Variants in ADCY3 observed in about 807,000 individuals in gnomAD.
ADCY3 encodes the protein adenylate cyclase 3.
A neutral mutation model predicts 119.4 loss-of-function variants in ADCY3; 70 were observed. The observed-to-expected ratio is 0.59, with a 90% CI of 0.48 to 0.72. ADCY3 has a LOEUF of 0.72. ADCY3 is among the 30% of genes least tolerant of loss of function. ADCY3 has a pLI of 0.00. For synonymous variants in ADCY3, 672 were observed against 621.4 expected (o/e 1.08, Z -1.21); for missense variants, 1,238 against 1,541.6 (o/e 0.80, Z 3.30).
chr2:24,855,245 A>C (rs1205509915), intron 3 of ADCY3, among the ~76,000 whole-genome samples: 1 of 151,432 alleles, frequency 6.6e-6, no homozygotes. Context: ...GAAAGCTGCT[A>C]TGTAGAAAAG....
chr2:24,837,142 G>T, intron 8 of ADCY3, 97 bp from the exon 9 acceptor site: 1 of 1,380,402 alleles, frequency 7.2e-7, no homozygotes, highest in South Asian at 1.4e-5. Context: ...GGTGGGATTA[G>T]AGAGCAATCT....
intron 16 of ADCY3, among the ~76,000 whole-genome samples, chr2:24,825,334 C>CGGCGGGG (rs1282144660): frequency 1.2e-5 from 1 of 81,574 alleles, no homozygotes; most frequent in African/African-American, 6.8e-5. Flanking sequence ...GTGGTTGTGG[C>CGGCGGGG]GGGGGGGGGG....
chr2:24,875,347 C>A (rs1045587646), intron 2 of ADCY3, among the ~76,000 whole-genome samples: 1 of 152,208 alleles, frequency 6.6e-6, no homozygotes, highest in Non-Finnish European at 1.5e-5. Context: ...CAACCCCCAA[C>A]CTCCCCCACC....
chr2:24,830,970 C>T (rs1669409981), intron 12 of ADCY3, 145 bp from the exon 13 acceptor site: 6 of 653,904 alleles, frequency 9.2e-6, no homozygotes, highest in Admixed American at 7.7e-5. Context: ...GACAGCTGAC[C>T]AAGGGGCAGA....
In ADCY3 at chr2:24,834,525, GGAC is replaced by G. The variant is rs1271630526; in HGVS notation, c.1924_1926del (p.Val642del). The G allele has an allele frequency of 1.2e-6, 2 of 1,613,592 alleles. No individual in the cohort carries two copies. The highest frequency in any genetic ancestry group is 1.7e-5 in the Admixed American group (1 of 59,998). The stretch of plus-strand genomic sequence containing the variant: ...ATCTCGACCAGGGCCGTGCAGAGCA[GGAC>G]GACGCAGGAGCAGCTGAAGGCAGCC... On this transcript the variant is annotated inframe_deletion, in exon 11 of 22. Coordinates refer to ENST00000679454, the MANE Select transcript of ADCY3 (RefSeq NM_004036.5). The surrounding 1 kb of genome is among the most constrained non-coding windows in gnomAD (Gnocchi z 4.2).
chr2:24,875,604 G>T (rs142829239), intron 2 of ADCY3, among the ~76,000 whole-genome samples: 69 of 152,350 alleles, frequency 4.5e-4, no homozygotes, highest in African/African-American at 1.6e-3. Context: ...TGCTCACGCA[G>T]CGACGGGAGG....
intron 3 of ADCY3, among the ~76,000 whole-genome samples, chr2:24,858,406 C>T (rs1673260921): frequency 6.6e-6 from 1 of 152,158 alleles, no homozygotes; most frequent in African/African-American, 2.4e-5. Context: ...CAGATACCCA[C>T]AGGCCAGCTG....
At chr2:24,823,936 C>G (rs1270182348) in intron 17 of ADCY3, among the ~76,000 whole-genome samples, 2 of 152,206 alleles carry the variant, frequency 1.3e-5, no homozygotes, top group East Asian at 3.8e-4. Context: ...CTCAGATGAT[C>G]CACCCGCCTC....
chr2:24,822,653 A>C, intron 18 of ADCY3, 23 bp from the exon 19 acceptor site: 4 of 1,612,496 alleles, frequency 2.5e-6, no homozygotes, highest in Non-Finnish European at 3.4e-6. Flanking sequence ...TTCAGGAAAG[A>C]ATTGTCAGCA....
intron 3 of ADCY3, among the ~76,000 whole-genome samples, chr2:24,854,987 C>G (rs6545766): frequency 6.6e-6 from 1 of 151,850 alleles, no homozygotes; most frequent in African/African-American, 2.4e-5. Flanking sequence ...GAGAGAGAGG[C>G]TGCAGTGAAC....
intron 2 of ADCY3, among the ~76,000 whole-genome samples, chr2:24,914,675 CAAAAA>C (rs70947853): frequency 8.3e-6 from 1 of 120,994 alleles, no homozygotes; most frequent in Non-Finnish European, 1.8e-5. Context: ...AACTCTGTCT[CAAAAA>C]AAAAAAAAAA....
intron 2 of ADCY3, among the ~76,000 whole-genome samples, chr2:24,901,557 G>A (rs902948192): frequency 4.5e-4 from 68 of 152,230 alleles, no homozygotes; most frequent in African/African-American, 1.6e-3. Flanking sequence ...TAAAAATGTA[G>A]GGGGATTCTG....
chr2:24,829,412 A>ATT lies in ADCY3; in HGVS notation c.2173-1253_2173-1252dup, dbSNP rs67246369. Among the ~76,000 whole-genome samples the ATT allele has an allele frequency of 3.9e-3, 248 of 63,796 alleles. 15 individuals carry two copies. Among genetic ancestry groups the ATT allele is most frequent in the Middle Eastern group, 0.016 (1 of 62 alleles). 41.9% of individuals were successfully genotyped at this position (63,796 alleles called of 152,430 possible). Reference sequence around the variant, plus strand: ...ATGTTGGTTGTATTTGTGTGCTCCAATTTTTTTTTTTTTTTTTTTTTTTTT... The same window carrying ATT: ...ATGTTGGTTGTATTTGTGTGCTCCAATTTTTTTTTTTTTTTTTTTTTTTTTTT... On this transcript the variant is annotated intron_variant, in intron 13 of 21. Transcript: ENST00000679454.
At chr2:24,824,309 G>T in intron 17 of ADCY3, 69 bp downstream of exon 17, 1 of 1,574,642 alleles carries the variant, frequency 6.4e-7, no homozygotes. Flanking sequence ...CCCAGCGGGG[G>T]CTGCCTGAAA....
At chr2:24,905,150 T>C (rs1434697020) in intron 2 of ADCY3, among the ~76,000 whole-genome samples, 2 of 151,670 alleles carry the variant, frequency 1.3e-5, no homozygotes, top group Non-Finnish European at 2.9e-5. Context: ...TTTTTTTTTT[T>C]TGAGGCAGAG....
At chr2:24,884,216 G>T (rs1013454485) in intron 2 of ADCY3, among the ~76,000 whole-genome samples, 2 of 152,074 alleles carry the variant, frequency 1.3e-5, no homozygotes, top group Non-Finnish European at 2.9e-5. Flanking sequence ...CGTCCCAAAG[G>T]GAGCTGGTTA....
At chr2:24,820,530 G>A in intron 21 of ADCY3, 194 bp downstream of exon 21, 1 of 1,403,008 alleles carries the variant, frequency 7.1e-7, no homozygotes, top group Non-Finnish European at 9.3e-7. Context: ...CCCAGATTTT[G>A]TGGATGGGTG....
In ADCY3 at chr2:24,834,686, T is replaced by C. The variant is rs1261869454; in HGVS notation, c.1806-40A>G. On this transcript the variant is annotated intron_variant, in intron 10 of 21. Transcript: ENST00000679454. This position sits in a 1 kb window ranked among gnomAD's most constrained non-coding sequence, Gnocchi z 4.2. ...AGCCCCATGAATCCCAAATGCCACATCTGCCTTGGCCTAGCAGGGGGGCCG... is the reference window on the plus strand; with the variant it reads ...AGCCCCATGAATCCCAAATGCCACACCTGCCTTGGCCTAGCAGGGGGGCCG... 3 of 1,608,174 alleles carry C rather than the reference T, an allele frequency of 1.9e-6. No individual in the cohort carries two copies. Among genetic ancestry groups the C allele is most frequent in the Non-Finnish European group, 2.6e-6 (3 of 1,175,202 alleles).
intron 2 of ADCY3, among the ~76,000 whole-genome samples, chr2:24,887,643 A>C (rs1572996401): frequency 6.9e-6 from 1 of 144,108 alleles, no homozygotes; most frequent in Non-Finnish European, 1.5e-5. Context: ...CGACACACAC[A>C]CCTCCTCTCG....
Sources: gnomAD v4.1 joint callset for allele counts (sites outside exome capture counted in the v4.1 genomes callset) on GRCh38, gnomAD v4.1.1 for gene constraint, Gnocchi (gnomAD v3.1) non-coding constraint, MANE v1.5 for transcripts, NCBI Gene and HGNC (gene_info 2026-07-23, HGNC 2026-07-21) for gene names.